SNPH: variants seen among roughly 807,000 people sequenced by gnomAD.
SNPH encodes syntaphilin.
SNPH carries 10 observed loss-of-function variants against 36.8 expected under a neutral mutation model. That is an observed-to-expected ratio of 0.27 (90% CI 0.17 to 0.46). The LOEUF is 0.46. Ranked by LOEUF, SNPH falls within the 20% of genes least tolerant of loss-of-function variation. The pLI, the probability that SNPH is intolerant of heterozygous loss-of-function variation, is 1.00. For synonymous variants in SNPH, 281 were observed against 312.2 expected, an observed-to-expected ratio of 0.90 and a Z score of 1.05; for missense variants, 622 against 744.0, an observed-to-expected ratio of 0.84 and a Z score of 1.91.
intron 6 of SNPH, among the ~76,000 whole-genome samples, chr20:1,301,270 G>A (rs1421103669): frequency 6.6e-6 from 1 of 152,060 alleles, no homozygotes; most frequent in East Asian, 1.9e-4. Context: ...AGCCCCCGCA[G>A]GCCGTCTGAG....
rs144845015 is a variant in SNPH at position 1,297,178 on chromosome 20, C to G, written c.216C>G (p.Ala72=). Residue 72 remains alanine, a synonymous_variant, in exon 5 of 7, where the codon GCC becomes GCG. Transcript: ENST00000381867. ...RTSPPVSVRD[A]YGTSSLSSSS... is the part of the protein sequence containing the mutation. ...CTCCACCTGTGAGCGTGCGGGATGC[C>G]TACGGCACCTCTTCGCTCAGCAGCA... The G allele has an allele frequency of 6.2e-7, 1 of 1,613,750 alleles. No individual in the cohort carries two copies. Among genetic ancestry groups the G allele is most frequent in the Non-Finnish European group, 8.5e-7 (1 of 1,179,988 alleles).
rs1019234217 is a variant in SNPH, at chr20:1,266,415, G to A, written c.-600+18G>A. On this transcript the variant is annotated intron_variant, in intron 1 of 6. Coordinates refer to ENST00000381867, the MANE Select transcript of SNPH (RefSeq NM_001318234.2). The surrounding 1 kb of genome is among the most constrained non-coding windows in gnomAD (Gnocchi z 6.0). ...CTCCGCAGGTGATGACAAGGACCCC[G>A]GGGATCTCCGGGCCCACCGCCCAGC... 1.3e-5 allele frequency: 6 copies of A among 468,694 alleles called. No individual in the cohort carries two copies. The highest frequency in any genetic ancestry group is 3.8e-5 in the East Asian group (1 of 26,380). 29.0% of individuals were successfully genotyped at this position (468,694 alleles called of 1,614,324 possible). A position where few individuals can be genotyped will look rare whatever the true frequency, so the allele number is the denominator to read the frequency against.
At chr20:1,298,804 TTGTG>T (rs3038999) in intron 5 of SNPH, among the ~76,000 whole-genome samples, 4,997 of 141,152 alleles carry the variant, frequency 0.035, 158 homozygotes, top group African/African-American at 0.087. Context: ...TTTTTCTAAT[TTGTG>T]TGTGTGTGTG....
At chr20:1,291,408 CATAGT>C (rs2088358983) in intron 2 of SNPH, among the ~76,000 whole-genome samples, 1 of 152,200 alleles carries the variant, frequency 6.6e-6, no homozygotes, top group Non-Finnish European at 1.5e-5. Flanking sequence ...AGCAGAGGCA[CATAGT>C]GGCTGATGAG....
At chr20:1,274,047 A>T (rs114920469) in intron 2 of SNPH, among the ~76,000 whole-genome samples, 1,536 of 152,326 alleles carry the variant, frequency 0.01, 23 homozygotes, top group African/African-American at 0.035. Context: ...ACAACAGGTG[A>T]GGCACTGTGC....
At chr20:1,267,399 G>C (rs1430180769) in intron 2 of SNPH, among the ~76,000 whole-genome samples, 2 of 152,130 alleles carry the variant, frequency 1.3e-5, no homozygotes, top group Non-Finnish European at 2.9e-5. Context: ...TGAAAGAGAG[G>C]CCGGTCACAT....
intron 5 of SNPH, among the ~76,000 whole-genome samples, chr20:1,298,790 AT>A (rs200421186): frequency 8.2e-6 from 1 of 121,716 alleles, no homozygotes; most frequent in African/African-American, 2.9e-5. Context: ...GTCACAGCGT[AT>A]TTTTTTTCTA....
rs1044630071 is a variant in SNPH, at chr20:1,294,988, G to A, written c.-465+10G>A. 1.3e-5 allele frequency: 2 copies of A among 152,750 alleles called. No homozygotes were observed. The highest frequency in any genetic ancestry group is 4.8e-5 in the African/African-American group (2 of 41,432). The allele number at this position is 152,750 out of a possible 1,614,324, so 9.5% of individuals were successfully genotyped here. A position where few individuals can be genotyped will look rare whatever the true frequency, so the allele number is the denominator to read the frequency against. The stretch of plus-strand genomic sequence containing the variant: ...GAGTCAATGGCATAATGTACGTAGC[G>A]TGGTTGGCACGAGGTCTGGTGTGGC... On this transcript the variant is annotated intron_variant, in intron 3 of 6. Coordinates refer to ENST00000381867, the MANE Select transcript of SNPH (RefSeq NM_001318234.2). The surrounding 1 kb of genome is among the most constrained non-coding windows in gnomAD (Gnocchi z 4.4).
intron 2 of SNPH, among the ~76,000 whole-genome samples, chr20:1,292,319 G>A (rs2122368467): frequency 6.6e-6 from 1 of 152,330 alleles, no homozygotes; most frequent in Non-Finnish European, 1.5e-5. Context: ...ATGTAGAGAT[G>A]CAGATTTGGG....
chr20:1,289,447 T>C (rs993005410), intron 2 of SNPH, among the ~76,000 whole-genome samples: 2 of 151,962 alleles, frequency 1.3e-5, no homozygotes, highest in Admixed American at 6.6e-5. Context: ...TGAGCCATTC[T>C]GGAAGAGTCT....
In SNPH at chr20:1,307,984, G is replaced by A. The variant is rs776425697; in HGVS notation, c.*1930G>A. On this transcript the variant is annotated 3_prime_UTR_variant, in exon 7 of 7. Transcript: ENST00000381867. ...TGCCGCGCACTCACGGAGCTGCGTA[G>A]TCTCCTCAGACATAGTCAAAGCTTT... The A allele has an allele frequency of 1.3e-5, 2 of 152,714 alleles. No homozygotes were observed. The highest frequency in any genetic ancestry group is 6.5e-5 in the Admixed American group (1 of 15,290). 9.5% of individuals were successfully genotyped at this position (152,714 alleles called of 1,614,324 possible). A position where few individuals can be genotyped will look rare whatever the true frequency, so the allele number is the denominator to read the frequency against.
intron 2 of SNPH, among the ~76,000 whole-genome samples, chr20:1,277,555 C>CTGTG (rs147950725): frequency 6.8e-5 from 9 of 133,318 alleles, no homozygotes; most frequent in East Asian, 2.3e-4. Context: ...GTGTGTGTAT[C>CTGTG]TGTGTGTGTG....
chr20:1,288,590 G>A (rs1304143522), intron 2 of SNPH, among the ~76,000 whole-genome samples: 1 of 152,040 alleles, frequency 6.6e-6, no homozygotes, highest in African/African-American at 2.4e-5. Context: ...TCACTAGTTA[G>A]GGAGAAGGCA....
rs547951115 is a variant in SNPH at position 1,299,937 on chromosome 20, G to A, written c.291-625G>A. 1.8e-4 allele frequency among the ~76,000 whole-genome samples: 27 copies of A among 152,294 alleles called. No individual in the cohort carries two copies. The South Asian group carries it at 4.8e-3, about 27-fold the overall frequency. On this transcript the variant is annotated intron_variant, in intron 5 of 6. Transcript: ENST00000381867. Reference sequence around the variant, plus strand: ...CGTATATGGAGACAGCTGTGCCTGCGCGTGTCTGCCCTCCCTGTCCCCAGG... The same window carrying A: ...CGTATATGGAGACAGCTGTGCCTGCACGTGTCTGCCCTCCCTGTCCCCAGG...
chr20:1,266,623 C>G lies in SNPH; in HGVS notation c.-599-31C>G. On this transcript the variant is annotated intron_variant, in intron 1 of 6. Transcript: ENST00000381867. This position sits in a 1 kb window ranked among gnomAD's most constrained non-coding sequence, Gnocchi z 6.0. Reference sequence around the variant, plus strand: ...GTGTTCCCCGCCCGCGCTCACCCGCCCCGGTCTATCTCTTTTTCCTAACCC... The same window carrying G: ...GTGTTCCCCGCCCGCGCTCACCCGCGCCGGTCTATCTCTTTTTCCTAACCC... 6.8e-7 allele frequency: 1 copy of G among 1,476,906 alleles called. No homozygotes were observed. Among genetic ancestry groups the G allele is most frequent in the Non-Finnish European group, 9.0e-7 (1 of 1,116,542 alleles). The allele number at this position is 1,476,906 out of a possible 1,614,324, so 91.5% of individuals were successfully genotyped here.
intron 2 of SNPH, among the ~76,000 whole-genome samples, chr20:1,272,612 C>T (rs540377752): frequency 1.3e-5 from 2 of 152,302 alleles, no homozygotes; most frequent in South Asian, 2.1e-4. Flanking sequence ...TGTATGTGAC[C>T]GGCCATCCGT....
At chr20:1,268,011 G>T (rs963900066) in intron 2 of SNPH, among the ~76,000 whole-genome samples, 9 of 152,350 alleles carry the variant, frequency 5.9e-5, no homozygotes, top group Admixed American at 4.6e-4. Context: ...TGGGAGATAG[G>T]CTGGGGGAAG....
intron 5 of SNPH, 102 bp from the exon 6 acceptor site, chr20:1,300,460 C>T (rs1303693013): frequency 1.5e-6 from 2 of 1,294,002 alleles, no homozygotes; most frequent in Non-Finnish European, 2.2e-6. Context: ...CATCTGGTGG[C>T]CAGGGATGGT....
Position 1,268,470 on chromosome 20 carries a change from A to G in SNPH, c.-493+1710A>G, listed in dbSNP as rs570764496. Among the ~76,000 whole-genome samples the G allele has an allele frequency of 1.8e-4, 27 of 152,208 alleles. 2 individuals are homozygous for G. The highest frequency in any genetic ancestry group is 6.5e-4 in the African/African-American group (27 of 41,528). On this transcript the variant is annotated intron_variant, in intron 2 of 6. Coordinates refer to ENST00000381867, the MANE Select transcript of SNPH (RefSeq NM_001318234.2). Reference sequence around the variant, plus strand: ...TATCTTCCTTCCTGCTGTCATTTTCAGCCTAGCACTCAAGCCTTTCTCGCT... The same window carrying G: ...TATCTTCCTTCCTGCTGTCATTTTCGGCCTAGCACTCAAGCCTTTCTCGCT...
Sources: allele counts gnomAD v4.1 joint callset (sites outside exome capture counted in the v4.1 genomes callset), GRCh38; gene constraint gnomAD v4.1.1; non-coding constraint Gnocchi (gnomAD v3.1); transcripts MANE v1.5; gene names NCBI Gene and HGNC (gene_info 2026-07-23, HGNC 2026-07-21).